The following NBEA variants were observed in gnomAD, a reference collection of about 807,000 sequenced individuals.
NBEA encodes neurobeachin.
In NBEA, 44 loss-of-function variants were observed where a neutral mutation model predicts 343.4. The ratio of observed to expected loss-of-function variants is 0.13; its 90% CI spans 0.10 to 0.16. The LOEUF (loss-of-function observed/expected upper bound fraction) is 0.16, where lower values mean the gene tolerates loss of function less well. Ranked by LOEUF, NBEA falls within the 10% of genes least tolerant of loss-of-function variation. The probability of loss-of-function intolerance (pLI) is 1.00; values close to 1 mark genes in which losing one functional copy is unlikely to be tolerated. For missense variants in NBEA, 2,555 were observed against 3,631.3 expected, an observed-to-expected ratio of 0.70 and a Z score of 7.62; for synonymous variants, 1,175 against 1,238.7, an observed-to-expected ratio of 0.95 and a Z score of 1.08.
intron 33 of NBEA, among the ~76,000 whole-genome samples, chr13:35,228,384 T>C (rs2074781393): frequency 6.6e-6 from 1 of 152,106 alleles, no homozygotes; most frequent in African/African-American, 2.4e-5. Flanking sequence ...CTTTTTTTTT[T>C]TTTATTTGTG....
intron 36 of NBEA, among the ~76,000 whole-genome samples, chr13:35,316,759 C>G (rs2037759090): frequency 6.6e-6 from 1 of 152,146 alleles, no homozygotes; most frequent in African/African-American, 2.4e-5. Context: ...TCCATATCCT[C>G]TCCAGGATCT....
chr13:35,020,251 A>G (rs1593486482), intron 1 of NBEA, among the ~76,000 whole-genome samples: 3 of 152,180 alleles, frequency 2.0e-5, no homozygotes, highest in East Asian at 3.9e-4. Flanking sequence ...GACTTCTTTG[A>G]TCTATAGGTT....
chr13:35,258,471 C>T (rs2152795693), intron 34 of NBEA, among the ~76,000 whole-genome samples: 1 of 151,614 alleles, frequency 6.6e-6, no homozygotes, highest in Non-Finnish European at 1.5e-5. Flanking sequence ...GCCATATTTT[C>T]TGGTTTTTGT....
chr13:35,407,517 CAAA>C (rs11355447), intron 38 of NBEA, among the ~76,000 whole-genome samples: 15 of 135,168 alleles, frequency 1.1e-4, no homozygotes, highest in African/African-American at 2.0e-4. Context: ...TGCATCATTT[CAAA>C]AAAAAAAAAA....
intron 48 of NBEA, among the ~76,000 whole-genome samples, chr13:35,614,098 T>G (rs1278196358): frequency 2.0e-5 from 3 of 152,228 alleles, no homozygotes; most frequent in African/African-American, 7.2e-5. Context: ...TTCTGATGAT[T>G]AGAGATGTTG....
chr13:35,351,863 A>G (rs1403703221), intron 37 of NBEA, among the ~76,000 whole-genome samples: 1 of 152,088 alleles, frequency 6.6e-6, no homozygotes, highest in Non-Finnish European at 1.5e-5. Flanking sequence ...TTACATTTAT[A>G]GTAAATATTT....
intron 1 of NBEA, among the ~76,000 whole-genome samples, chr13:34,950,361 A>C (rs1172160217): frequency 1.3e-5 from 2 of 152,190 alleles, no homozygotes; most frequent in East Asian, 3.9e-4. Flanking sequence ...AAACCAAGCC[A>C]TACATTGCTG....
At chr13:35,325,417 A>G (rs575512684) in intron 36 of NBEA, among the ~76,000 whole-genome samples, 1 of 152,188 alleles carries the variant, frequency 6.6e-6, no homozygotes, top group Admixed American at 6.5e-5. Context: ...AATGGGGATG[A>G]AACATTATTA....
At chr13:35,178,513 A>T (rs2071073516) in intron 28 of NBEA, among the ~76,000 whole-genome samples, 1 of 151,696 alleles carries the variant, frequency 6.6e-6, no homozygotes. Flanking sequence ...AACAGCATGT[A>T]GAAGTACTTA....
In NBEA at chr13:35,615,800, G is replaced by A. The variant is rs146687907; in HGVS notation, c.7449+9222G>A. ...GAGAAGGAAATCCGAAGCCAGCTCC[G>A]TAGGGTGAGCAGAAGATGGGAAGAG... On this transcript the variant is annotated intron_variant, in intron 48 of 58. Coordinates refer to ENST00000379939, the MANE Select transcript of NBEA (RefSeq NM_001385012.1). Among the ~76,000 whole-genome samples, 830 of 152,260 alleles carry A rather than the reference G, an allele frequency of 5.5e-3. 6 individuals carry two copies. Among genetic ancestry groups the A allele is most frequent in the African/African-American group, 0.019 (782 of 41,542 alleles).
chr13:35,360,931 T>C (rs993500232), intron 38 of NBEA, among the ~76,000 whole-genome samples: 2 of 151,962 alleles, frequency 1.3e-5, no homozygotes, highest in African/African-American at 4.8e-5. Context: ...TACAGAAACA[T>C]TATTTACAGA....
At chr13:35,179,866 C>A (rs1334432123) in intron 28 of NBEA, 1 of 790,166 alleles carries the variant, frequency 1.3e-6, no homozygotes, top group Non-Finnish European at 1.5e-6. Context: ...CATTTGATTT[C>A]TTCACTTCTC....
intron 38 of NBEA, among the ~76,000 whole-genome samples, chr13:35,401,386 A>G (rs1391085949): frequency 6.6e-6 from 1 of 152,074 alleles, no homozygotes; most frequent in African/African-American, 2.4e-5. Flanking sequence ...CACATTACAA[A>G]GTATAAATCA....
intron 34 of NBEA, among the ~76,000 whole-genome samples, chr13:35,241,197 G>A (rs1000342052): frequency 6.6e-6 from 1 of 151,816 alleles, no homozygotes; most frequent in Non-Finnish European, 1.5e-5. Flanking sequence ...AAATTAACAA[G>A]CTATTATAGT....
intron 41 of NBEA, chr13:35,475,257 A>C: frequency 6.2e-7 from 1 of 1,614,034 alleles, no homozygotes; most frequent in Non-Finnish European, 8.5e-7. Context: ...CACCCAGGCA[A>C]GACTCGTCCC....
At chr13:35,073,115 C>T (rs897478735) in intron 10 of NBEA, among the ~76,000 whole-genome samples, 2 of 152,074 alleles carry the variant, frequency 1.3e-5, no homozygotes, top group Non-Finnish European at 2.9e-5. Flanking sequence ...AAAGTATGTG[C>T]ATCAGTGAAA....
chr13:35,342,905 T>G (rs2039667038), intron 36 of NBEA, among the ~76,000 whole-genome samples: 1 of 151,972 alleles, frequency 6.6e-6, no homozygotes, highest in African/African-American at 2.4e-5. Context: ...GGGCTAGAAT[T>G]AAATACATTA....
At chr13:35,375,880 TA>T (rs2152887507) in intron 38 of NBEA, among the ~76,000 whole-genome samples, 1 of 152,292 alleles carries the variant, frequency 6.6e-6, no homozygotes, top group South Asian at 2.1e-4. Flanking sequence ...ATATGACTGT[TA>T]TTTACAGTTA....
intron 1 of NBEA, among the ~76,000 whole-genome samples, chr13:34,974,268 C>T (rs2060093698): frequency 6.6e-6 from 1 of 152,202 alleles, no homozygotes; most frequent in Admixed American, 6.5e-5. Flanking sequence ...TTTCATTCCT[C>T]TCTGTGAGAG....
Sources: gnomAD v4.1 joint callset for allele counts (sites outside exome capture counted in the v4.1 genomes callset) on GRCh38, gnomAD v4.1.1 for gene constraint, MANE v1.5 for transcripts, NCBI Gene and HGNC (gene_info 2026-07-23, HGNC 2026-07-21) for gene names.